Variants in MSI2 observed in about 807,000 individuals in gnomAD.
MSI2 encodes musashi RNA binding protein 2.
In MSI2, 17 loss-of-function variants were observed where a neutral mutation model predicts 45.6. The observed-to-expected ratio is 0.37, with a 90% CI of 0.26 to 0.56. MSI2 has a LOEUF of 0.56. Among genes scored for constraint, MSI2 ranks in the 20% least tolerant of loss-of-function variants. The pLI, the probability that MSI2 is intolerant of heterozygous loss-of-function variation, is 0.77. For synonymous variants in MSI2, 156 were observed against 158.2 expected, an observed-to-expected ratio of 0.99 and a Z score of 0.11; for missense variants, 293 against 444.2, an observed-to-expected ratio of 0.66 and a Z score of 3.06.
At chr17:57,297,597 A>G (rs1300999106) in intron 5 of MSI2, among the ~76,000 whole-genome samples, 1 of 152,170 alleles carries the variant, frequency 6.6e-6, no homozygotes, top group African/African-American at 2.4e-5. Flanking sequence ...AAAATAAGAC[A>G]ATGATGAAGT....
chr17:57,696,375 T>C, the MSI2 span, among the ~76,000 whole-genome samples: 1 of 152,212 alleles, frequency 6.6e-6, no homozygotes, highest in African/African-American at 2.4e-5. Context: ...ATTGAGTACT[T>C]ATTATGTAAA....
chr17:57,535,613 A>G (rs2086904574), intron 7 of MSI2, among the ~76,000 whole-genome samples: 1 of 152,224 alleles, frequency 6.6e-6, no homozygotes. Context: ...CCTGAGACCC[A>G]CTGGAAGGGG....
At chr17:57,424,417 C>T (rs1007512449) in intron 6 of MSI2, among the ~76,000 whole-genome samples, 2 of 152,234 alleles carry the variant, frequency 1.3e-5, no homozygotes, top group Non-Finnish European at 2.9e-5. Context: ...TGGGGCTTAA[C>T]AGAGGCACAG....
At chr17:57,440,953 G>A (rs75288118) in intron 6 of MSI2, among the ~76,000 whole-genome samples, 2,762 of 152,292 alleles carry the variant, frequency 0.018, 69 homozygotes, top group African/African-American at 0.064. Context: ...CTCGGGTCAG[G>A]GGCCATCCCG....
intron 7 of MSI2, among the ~76,000 whole-genome samples, chr17:57,593,647 A>G (rs1258099627): frequency 2.6e-5 from 4 of 152,220 alleles, no homozygotes; most frequent in African/African-American, 2.4e-5. Flanking sequence ...ATAAGGTCAC[A>G]TTCATAAATT....
At chr17:57,433,298 AG>A (rs1260582341) in intron 6 of MSI2, among the ~76,000 whole-genome samples, 4 of 152,220 alleles carry the variant, frequency 2.6e-5, no homozygotes, top group Admixed American at 6.5e-5. Flanking sequence ...AGATATAATT[AG>A]GTAACATGCT....
At chr17:57,607,149 T>C (rs1439851337) in intron 8 of MSI2, among the ~76,000 whole-genome samples, 1 of 152,244 alleles carries the variant, frequency 6.6e-6, no homozygotes, top group Non-Finnish European at 1.5e-5. Flanking sequence ...GTGCTTTATA[T>C]CCATTATGTG....
intron 5 of MSI2, among the ~76,000 whole-genome samples, chr17:57,388,958 C>T (rs2083734420): frequency 7.1e-6 from 1 of 140,940 alleles, no homozygotes. Flanking sequence ...CTAGCCCCTG[C>T]TCTTCTTCTT....
At chr17:57,610,768 G>T (rs1907166866) in intron 8 of MSI2, among the ~76,000 whole-genome samples, 1 of 93,558 alleles carries the variant, frequency 1.1e-5, no homozygotes, top group African/African-American at 3.3e-5. Flanking sequence ...AGGTGTCCAG[G>T]GGCTAGGTGT....
chr17:57,312,116 C>A (rs916736037), intron 5 of MSI2, among the ~76,000 whole-genome samples: 3 of 152,200 alleles, frequency 2.0e-5, no homozygotes, highest in Admixed American at 6.5e-5. Context: ...GAGCCATCAA[C>A]CAGGATATTG....
intron 9 of MSI2, among the ~76,000 whole-genome samples, chr17:57,622,645 A>T (rs1209887989): frequency 6.1e-5 from 9 of 148,568 alleles, no homozygotes; most frequent in Non-Finnish European, 1.2e-4. Flanking sequence ...AGCCCCCTGA[A>T]ATGTGAGCAA....
intron 6 of MSI2, among the ~76,000 whole-genome samples, chr17:57,492,181 G>A (rs149485188): frequency 3.9e-4 from 60 of 152,294 alleles, no homozygotes; most frequent in African/African-American, 8.7e-4. Context: ...GCGAGGCATC[G>A]TTCTGTTGTC....
chr17:57,473,752 G>A (rs565680836), intron 6 of MSI2, among the ~76,000 whole-genome samples: 1 of 152,290 alleles, frequency 6.6e-6, no homozygotes, highest in South Asian at 2.1e-4. Flanking sequence ...CACCTTGTCT[G>A]GACAGGTGCC....
At chr17:57,282,661 A>C (rs1011680490) in intron 5 of MSI2, among the ~76,000 whole-genome samples, 12 of 151,932 alleles carry the variant, frequency 7.9e-5, no homozygotes, top group Non-Finnish European at 2.9e-5. Context: ...GGGGAGAAAT[A>C]TTTTAGCTTG....
chr17:57,674,387 AAC>A (rs957430438), intron 11 of MSI2, among the ~76,000 whole-genome samples: 3 of 152,128 alleles, frequency 2.0e-5, no homozygotes, highest in African/African-American at 4.8e-5. Flanking sequence ...GAAAAAGTGA[AAC>A]ACACACACAA....
chr17:57,553,439 G>T (rs1438652773), intron 7 of MSI2, among the ~76,000 whole-genome samples: 8 of 152,226 alleles, frequency 5.3e-5, no homozygotes, highest in African/African-American at 1.9e-4. Context: ...GTGGGAGGGG[G>T]ATTGGGACAT....
At chr17:57,279,794 A>G (rs1909253502) in intron 5 of MSI2, 1 of 152,082 alleles carries the variant, frequency 6.6e-6, no homozygotes, top group Non-Finnish European at 1.5e-5. Flanking sequence ...GCAGGCACAC[A>G]TCACTGTGCC....
At chr17:57,576,131 G>C (rs2088041004) in intron 7 of MSI2, among the ~76,000 whole-genome samples, 1 of 152,160 alleles carries the variant, frequency 6.6e-6, no homozygotes, top group Non-Finnish European at 1.5e-5. Context: ...TAAAGCCATT[G>C]ATTCCTGTAA....
At chr17:57,472,101 G>A (rs1431426695) in intron 6 of MSI2, among the ~76,000 whole-genome samples, 1 of 152,184 alleles carries the variant, frequency 6.6e-6, no homozygotes, top group Non-Finnish European at 1.5e-5. Flanking sequence ...GGGTGTTGGA[G>A]TTGCTGCCGG....
Sources: gnomAD v4.1 joint callset for allele counts (sites outside exome capture counted in the v4.1 genomes callset) on GRCh38, gnomAD v4.1.1 for gene constraint, MANE v1.5 for transcripts, NCBI Gene and HGNC (gene_info 2026-07-23, HGNC 2026-07-21) for gene names.